ARHGAP35: variants seen among roughly 807,000 people sequenced by gnomAD.
ARHGAP35 encodes the protein rho GTPase-activating protein 35.
In ARHGAP35, 15 loss-of-function variants were observed where a neutral mutation model predicts 111.1. The observed-to-expected ratio is 0.13, with a 90% CI of 0.09 to 0.21. The LOEUF (loss-of-function observed/expected upper bound fraction) is 0.21. Among genes scored for constraint, ARHGAP35 ranks in the 10% least tolerant of loss-of-function variants. The pLI, the probability that ARHGAP35 is intolerant of heterozygous loss-of-function variation, is 1.00. For synonymous variants in ARHGAP35, 643 were observed against 710.3 expected (o/e 0.91, Z 1.51); for missense variants, 1,262 against 1,873.0 (o/e 0.67, Z 6.02).
At chr19:46,935,876 A>G (rs1466680869) in intron 2 of ARHGAP35, among the ~76,000 whole-genome samples, 1 of 152,200 alleles carries the variant, frequency 6.6e-6, no homozygotes, top group Non-Finnish European at 1.5e-5. Flanking sequence ...AAAAGATTGA[A>G]TACTTTTGAG....
rs2056174015 is a variant in ARHGAP35 at position 46,918,052 on chromosome 19, C to T, written c.-188-436C>T. On this transcript the variant is annotated intron_variant, in intron 1 of 6. Coordinates refer to ENST00000672722, the MANE Select transcript of ARHGAP35 (RefSeq NM_004491.5). The surrounding 1 kb of genome is among the most constrained non-coding windows in gnomAD (Gnocchi z 5.4). Reference sequence around the variant, plus strand: ...TTGCAGTGGGTTTATAATTCATTACCATACTTAATTATTGTGGCGCTCAAA... The same window carrying T: ...TTGCAGTGGGTTTATAATTCATTACTATACTTAATTATTGTGGCGCTCAAA... 6.6e-6 allele frequency among the ~76,000 whole-genome samples: 1 copy of T among 152,164 alleles called. No individual in the cohort carries two copies. Among genetic ancestry groups the T allele is most frequent in the Admixed American group, 6.5e-5 (1 of 15,268 alleles).
chr19:46,892,129 A>G (rs890224308), intron 1 of ARHGAP35, among the ~76,000 whole-genome samples: 5 of 148,680 alleles, frequency 3.4e-5, no homozygotes, highest in Non-Finnish European at 4.5e-5. Context: ...CTACTAAAAA[A>G]AAAAAAAAAA....
At chr19:46,957,752 AC>A (rs2056448999) in intron 3 of ARHGAP35, among the ~76,000 whole-genome samples, 1 of 152,198 alleles carries the variant, frequency 6.6e-6, no homozygotes, top group South Asian at 2.1e-4. Context: ...ATCAGAACAC[AC>A]CTGACTGTTA....
At chr19:46,954,475 G>A (rs983934249) in intron 3 of ARHGAP35, among the ~76,000 whole-genome samples, 6 of 152,366 alleles carry the variant, frequency 3.9e-5, no homozygotes, top group Non-Finnish European at 7.3e-5. Context: ...GGACGAAGAC[G>A]TGGACAAATG....
chr19:46,958,875 C>T (rs866627637), intron 3 of ARHGAP35, among the ~76,000 whole-genome samples: 3 of 152,064 alleles, frequency 2.0e-5, no homozygotes. Flanking sequence ...AGCATTTGGC[C>T]GTTTTTACTC....
At chr19:46,932,417 G>GT (rs2056278247) in intron 2 of ARHGAP35, among the ~76,000 whole-genome samples, 2 of 152,316 alleles carry the variant, frequency 1.3e-5, no homozygotes, top group South Asian at 4.1e-4. Flanking sequence ...GATGTTGGGT[G>GT]TTGTTACTTT....
chr19:46,878,553 A>G (rs1021538171), intron 1 of ARHGAP35, among the ~76,000 whole-genome samples: 2 of 152,172 alleles, frequency 1.3e-5, no homozygotes, highest in Non-Finnish European at 2.9e-5. Flanking sequence ...TCTTAGCCTC[A>G]AGTGATTTGC....
intron 3 of ARHGAP35, among the ~76,000 whole-genome samples, chr19:46,939,738 G>T (rs1056417672): frequency 1.3e-5 from 2 of 152,056 alleles, no homozygotes; most frequent in African/African-American, 4.8e-5. Flanking sequence ...AAATACTTCA[G>T]TGGGTATTTC....
At chr19:46,904,215 C>T (rs1239643015) in intron 1 of ARHGAP35, among the ~76,000 whole-genome samples, 1 of 152,214 alleles carries the variant, frequency 6.6e-6, no homozygotes, top group Non-Finnish European at 1.5e-5. Flanking sequence ...CTTCCCCTCT[C>T]CCCTTCAGCT....
chr19:46,922,273 G>A lies in ARHGAP35; in HGVS notation c.3598G>A (p.Gly1200Arg), dbSNP rs2056207318. The A allele has an allele frequency of 6.2e-7, 1 of 1,613,856 alleles. No homozygotes were observed. Among genetic ancestry groups the A allele is most frequent in the Admixed American group, 1.7e-5 (1 of 59,994 alleles). The change falls in exon 2 of 7, where the codon GGG (glycine) becomes AGG (arginine). Residue 1200 changes from glycine (G) to arginine (R), a missense_variant. By Grantham distance (125) the Gly-to-Arg change is moderately radical. Around this residue, in one of 8 missense-constraint regions of ARHGAP35, gnomAD observed 579 missense variants for 716.9 expected, o/e 0.81. Coordinates refer to ENST00000672722, the MANE Select transcript of ARHGAP35 (RefSeq NM_004491.5). The surrounding 1 kb of genome is among the most constrained non-coding windows in gnomAD (Gnocchi z 4.0). The stretch of plus-strand genomic sequence containing the variant: ...GGATCAGGCATCCCAGGGTTATAAA[G>A]GGGACAATGCTGTCATTCCATACGA... ...EEDQASQGYK[G>R]DNAVIPYETD... is the part of the protein sequence containing the mutation.
chr19:46,897,034 C>T (rs1261842936), intron 1 of ARHGAP35, among the ~76,000 whole-genome samples: 6 of 151,528 alleles, frequency 4.0e-5, no homozygotes, highest in Non-Finnish European at 7.4e-5. Flanking sequence ...GCTGGGACTA[C>T]AAGCGCATGC....
chr19:46,979,976 C>G (rs988712555), intron 3 of ARHGAP35, among the ~76,000 whole-genome samples: 1 of 152,118 alleles, frequency 6.6e-6, no homozygotes, highest in Admixed American at 6.5e-5. Flanking sequence ...TGCGGGGACT[C>G]GTGTGATTTC....
intron 3 of ARHGAP35, among the ~76,000 whole-genome samples, chr19:46,941,876 TAAAA>T (rs71179279): frequency 8.5e-5 from 8 of 94,554 alleles, no homozygotes; most frequent in Admixed American, 2.5e-4. Flanking sequence ...CCTGTCTCTT[TAAAA>T]AAAAAAAAAA....
intron 1 of ARHGAP35, among the ~76,000 whole-genome samples, chr19:46,898,254 A>C (rs1378402412): frequency 2.0e-5 from 3 of 151,970 alleles, no homozygotes; most frequent in Non-Finnish European, 4.4e-5. Flanking sequence ...AAAAAAAAAA[A>C]ACAAAAAGAA....
chr19:46,868,929 G>A (rs1365370325), intron 1 of ARHGAP35, among the ~76,000 whole-genome samples: 3 of 100,468 alleles, frequency 3.0e-5, no homozygotes, highest in East Asian at 5.8e-4. Flanking sequence ...TTTTGGTGAC[G>A]TAGTCTTGCT....
chr19:46,908,035 AT>A lies in ARHGAP35; in HGVS notation c.-188-10448del, dbSNP rs1009911131. Reference sequence around the variant, plus strand: ...GTTGGACTCGAAAATAAGCTGACCCATTTTTCCCCATTGACAGAAATGCCTG... The same window carrying A: ...GTTGGACTCGAAAATAAGCTGACCCATTTTCCCCATTGACAGAAATGCCTG... On this transcript the variant is annotated intron_variant, in intron 1 of 6. Transcript: ENST00000672722. The surrounding 1 kb of genome is among the most constrained non-coding windows in gnomAD (Gnocchi z 4.2). Among the ~76,000 whole-genome samples, 14 of 152,076 alleles carry A rather than the reference AT, an allele frequency of 9.2e-5. No homozygotes were observed. Among genetic ancestry groups the A allele is most frequent in the Admixed American group, 7.2e-4 (11 of 15,290 alleles).
At chr19:46,933,389 C>T (rs988151055) in intron 2 of ARHGAP35, among the ~76,000 whole-genome samples, 4 of 152,066 alleles carry the variant, frequency 2.6e-5, no homozygotes, top group African/African-American at 7.2e-5. Flanking sequence ...CTCAAGTGAT[C>T]TGCCAACCTC....
At chr19:46,978,705 A>ATATGTGTGTGTGGTGGGGTT (rs1568485641) in intron 3 of ARHGAP35, among the ~76,000 whole-genome samples, 1 of 21,588 alleles carries the variant, frequency 4.6e-5, no homozygotes, top group Non-Finnish European at 9.3e-5. Flanking sequence ...GTGGTGGGGC[A>ATATGTGTGTGTGGTGGGGTT]TGTGTGTGGT....
At position 46,919,146 on chromosome 19, in the gene ARHGAP35, T is replaced by C. The variant is rs749850710; in HGVS notation, c.471T>C (p.Val157=). 12 of 1,613,980 alleles carry C rather than the reference T, an allele frequency of 7.4e-6. No homozygotes were observed. In the South Asian group the frequency reaches 1.3e-4, roughly 18 times the overall value. The change falls in exon 2 of 7, where the codon GTT becomes GTC. Residue 157 remains valine (V), a synonymous_variant. Transcript: ENST00000672722. The surrounding 1 kb of genome is among the most constrained non-coding windows in gnomAD (Gnocchi z 6.2). ...AAATGCCAGACGGAAAGCTGCTGGT[T>C]GATGGTTTTCTTCTTGGTATTGATG... ...QKQMPDGKLL[V]DGFLLGIDVS... is the part of the protein sequence containing the mutation.
Sources: allele counts gnomAD v4.1 joint callset (sites outside exome capture counted in the v4.1 genomes callset), GRCh38; gene constraint gnomAD v4.1.1; regional missense constraint gnomAD v4.1.1; non-coding constraint Gnocchi (gnomAD v3.1); transcripts MANE v1.5; gene names NCBI Gene and HGNC (gene_info 2026-07-23, HGNC 2026-07-21).